The following RNF125 variants were observed in gnomAD, a reference collection of about 807,000 sequenced individuals.
The protein encoded by RNF125 is ring finger protein 125, also known as E3 ubiquitin-protein ligase RNF125.
Under a neutral mutation model 26.0 loss-of-function variants are expected in RNF125, and 21 were observed. The observed-to-expected ratio is 0.81, with a 90% CI of 0.57 to 1.16. The LOEUF is 1.16. Among genes scored for constraint, RNF125 ranks in the 50% most tolerant of loss-of-function variants. The pLI is 0.00. For synonymous variants in RNF125, 95 were observed against 109.2 expected (o/e 0.87, Z 0.81); for missense variants, 270 against 299.4 (o/e 0.90, Z 0.72).
At chr18:32,048,375 G>C (rs1168494770) in intron 4 of RNF125, among the ~76,000 whole-genome samples, 4 of 151,482 alleles carry the variant, frequency 2.6e-5, no homozygotes, top group Non-Finnish European at 5.9e-5. Flanking sequence ...GCAGTGAGCT[G>C]AGATCACGCC....
the RNF125 span, among the ~76,000 whole-genome samples, chr18:32,090,418 G>C: frequency 2.0e-5 from 3 of 152,260 alleles, no homozygotes; most frequent in East Asian, 5.8e-4. Context: ...TAGCTTTCTT[G>C]TCTTGCTTCC....
intron 4 of RNF125, among the ~76,000 whole-genome samples, chr18:32,048,091 T>G (rs1197391927): frequency 6.6e-6 from 1 of 151,778 alleles, no homozygotes; most frequent in Admixed American, 6.6e-5. Context: ...ATCGTGCCAC[T>G]GCACTCCAGC....
intron 4 of RNF125, among the ~76,000 whole-genome samples, chr18:32,055,848 G>A (rs1294038162): frequency 1.3e-5 from 2 of 151,056 alleles, no homozygotes; most frequent in Non-Finnish European, 3.0e-5. Flanking sequence ...GTGTGGTGGC[G>A]CATGCCTGTA....
rs184194421 is a variant in RNF125 at position 32,052,982 on chromosome 18, T to C, written c.504+7250T>C. ...TTAAGAAAAGGGTACCAGAAAAAAA[T>C]TAAGTTCTGACACACTTATTTTCTA... On this transcript the variant is annotated intron_variant, in intron 4 of 5. Transcript: ENST00000217740. Among the ~76,000 whole-genome samples the C allele has an allele frequency of 3.6e-4, 55 of 152,294 alleles. 1 individual carries two copies. The highest frequency in any genetic ancestry group is 1.3e-3 in the African/African-American group (52 of 41,568).
chr18:32,064,050 A>G (rs1401366215), intron 4 of RNF125, among the ~76,000 whole-genome samples: 3 of 149,520 alleles, frequency 2.0e-5, no homozygotes, highest in East Asian at 3.9e-4. Flanking sequence ...GCTGGAGTGC[A>G]GTGGTGCGAT....
Position 32,045,622 on chromosome 18 carries a change from G to T in RNF125, c.414-20G>T, listed in dbSNP as rs745366100. ...GTTGCCAACCATTTTAATATTATTTGTATTCTGTGCTATTTCCAGGTGTGT... is the reference window on the plus strand; with the variant it reads ...GTTGCCAACCATTTTAATATTATTTTTATTCTGTGCTATTTCCAGGTGTGT... On this transcript the variant is annotated intron_variant, in intron 3 of 5. Coordinates refer to ENST00000217740, the MANE Select transcript of RNF125 (RefSeq NM_017831.4). 2.6e-6 allele frequency: 4 copies of T among 1,509,608 alleles called. No individual in the cohort carries two copies. The highest frequency in any genetic ancestry group is 3.6e-6 in the Non-Finnish European group (4 of 1,099,950). 93.5% of individuals were successfully genotyped at this position (1,509,608 alleles called of 1,614,324 possible). A position where few individuals can be genotyped will look rare whatever the true frequency, so the allele number is the denominator to read the frequency against.
intron 4 of RNF125, among the ~76,000 whole-genome samples, chr18:32,054,478 T>C (rs1411230299): frequency 6.6e-6 from 1 of 152,232 alleles, no homozygotes; most frequent in African/African-American, 2.4e-5. Flanking sequence ...AATATAATAC[T>C]GAACAAAATC....
At chr18:32,044,340 T>G (rs2144481616) in intron 3 of RNF125, among the ~76,000 whole-genome samples, 1 of 152,282 alleles carries the variant, frequency 6.6e-6, no homozygotes, top group East Asian at 1.9e-4. Context: ...AATTCAAAAT[T>G]TTCTAGTAGC....
chr18:32,075,756 C>A, downstream of RNF125: 1 of 451,324 alleles, frequency 2.2e-6, no homozygotes. Context: ...TTAAAAGCAT[C>A]AATCTGATTG....
At chr18:32,081,846 C>T in the RNF125 span, among the ~76,000 whole-genome samples, 1 of 152,030 alleles carries the variant, frequency 6.6e-6, no homozygotes, top group Non-Finnish European at 1.5e-5. Flanking sequence ...TAAGGTACAA[C>T]CAGAAATTTA....
the RNF125 span, among the ~76,000 whole-genome samples, chr18:32,085,001 C>T: frequency 3.9e-5 from 6 of 152,204 alleles, no homozygotes; most frequent in African/African-American, 1.4e-4. Context: ...AGCTACTTTG[C>T]AGAGGTGTGA....
At chr18:32,027,919 G>C (rs139878587) in intron 1 of RNF125, among the ~76,000 whole-genome samples, 83 of 151,986 alleles carry the variant, frequency 5.5e-4, no homozygotes, top group Non-Finnish European at 8.8e-4. Context: ...GGCAAGACAA[G>C]TTATAAGAGG....
rs1013200502 is a variant in RNF125 at position 32,039,744 on chromosome 18, A to G, written c.319-2435A>G. Among the ~76,000 whole-genome samples the G allele has an allele frequency of 2.7e-5, 4 of 150,646 alleles. No homozygotes were observed. The South Asian group carries it at 8.4e-4, about 32-fold the overall frequency. On this transcript the variant is annotated intron_variant, in intron 2 of 5. Coordinates refer to ENST00000217740, the MANE Select transcript of RNF125 (RefSeq NM_017831.4). ...CTCCCCCTCCCCCATTATCTGATTA[A>G]TCACAAAGATTTTGATTTTTTTCTT...
intron 1 of RNF125, among the ~76,000 whole-genome samples, chr18:32,028,099 C>T (rs2144439954): frequency 6.6e-6 from 1 of 151,600 alleles, no homozygotes; most frequent in Non-Finnish European, 1.5e-5. Flanking sequence ...GAGATCGAGA[C>T]CATCCTGGCT....
At chr18:32,044,089 C>G (rs1188371721) in intron 3 of RNF125, among the ~76,000 whole-genome samples, 1 of 151,946 alleles carries the variant, frequency 6.6e-6, no homozygotes, top group East Asian at 1.9e-4. Flanking sequence ...TCACTGCAAC[C>G]TCTGCTGCCC....
chr18:32,033,478 T>C (rs952078106), intron 1 of RNF125, among the ~76,000 whole-genome samples: 3 of 149,940 alleles, frequency 2.0e-5, no homozygotes, highest in Non-Finnish European at 3.0e-5. Context: ...TGAGCTGAGA[T>C]CATGCCATTG....
rs140135595 is a variant in RNF125 at position 32,024,436 on chromosome 18, C to G, written c.164+5409C>G. Reference sequence around the variant, plus strand: ...ATATTCTGCCTGAAGAATTGTTTGTCTTATTTCTAGTAGTTTTATTTGTTT... The same window carrying G: ...ATATTCTGCCTGAAGAATTGTTTGTGTTATTTCTAGTAGTTTTATTTGTTT... On this transcript the variant is annotated intron_variant, in intron 1 of 5. Transcript: ENST00000217740. Among the ~76,000 whole-genome samples, 375 of 151,890 alleles carry G rather than the reference C, an allele frequency of 2.5e-3. 1 individual carries two copies. Among genetic ancestry groups the G allele is most frequent in the African/African-American group, 8.7e-3 (359 of 41,426 alleles).
At chr18:32,046,430 A>G (rs995885229) in intron 4 of RNF125, among the ~76,000 whole-genome samples, 3 of 151,678 alleles carry the variant, frequency 2.0e-5, no homozygotes, top group Non-Finnish European at 4.4e-5. Context: ...CCCTGTCTCT[A>G]CTTAAAAAAT....
chr18:32,076,488 A>T (rs1231875445), downstream of RNF125, among the ~76,000 whole-genome samples: 1 of 151,948 alleles, frequency 6.6e-6, no homozygotes, highest in African/African-American at 2.4e-5. Context: ...GCTAATTTGT[A>T]AAATTTTTGT....
Sources: allele counts gnomAD v4.1 joint callset (sites outside exome capture counted in the v4.1 genomes callset), GRCh38; gene constraint gnomAD v4.1.1; transcripts MANE v1.5; gene names NCBI Gene and HGNC (gene_info 2026-07-23, HGNC 2026-07-21).